SRPK2: variants seen among roughly 807,000 people sequenced by gnomAD.
SRPK2 encodes SRSF protein kinase 2, also known as SFRS protein kinase 2.
A neutral mutation model predicts 90.8 loss-of-function variants in SRPK2; 21 were observed. That is an observed-to-expected ratio of 0.23 (90% CI 0.16 to 0.33). The LOEUF is 0.33. Ranked by LOEUF, SRPK2 falls within the 10% of genes least tolerant of loss-of-function variation. The pLI is 1.00. For synonymous variants in SRPK2, 288 were observed against 311.1 expected (o/e 0.93, Z 0.78); for missense variants, 620 against 869.0 (o/e 0.71, Z 3.60).
At chr7:105,183,723 C>A (rs1420758354) in intron 3 of SRPK2, among the ~76,000 whole-genome samples, 3 of 152,098 alleles carry the variant, frequency 2.0e-5, no homozygotes, top group Admixed American at 1.3e-4. Flanking sequence ...TTCCTGACCT[C>A]AAATGATCTG....
intron 2 of SRPK2, among the ~76,000 whole-genome samples, chr7:105,305,606 T>C (rs925372670): frequency 6.6e-6 from 1 of 152,170 alleles, no homozygotes; most frequent in Non-Finnish European, 1.5e-5. Context: ...GGAGAGTCAG[T>C]GTTGAATTAC....
intron 2 of SRPK2, among the ~76,000 whole-genome samples, chr7:105,279,150 C>T (rs939467936): frequency 2.0e-5 from 3 of 151,124 alleles, no homozygotes; most frequent in African/African-American, 7.3e-5. Context: ...ACACAGTGCC[C>T]ACAGACTATG....
intron 2 of SRPK2, among the ~76,000 whole-genome samples, chr7:105,261,720 T>C (rs771888358): frequency 1.2e-4 from 18 of 152,202 alleles, no homozygotes; most frequent in African/African-American, 4.1e-4. Context: ...TGTTGACATT[T>C]TGTGATGAAA....
At chr7:105,255,477 G>A (rs186136345) in intron 2 of SRPK2, among the ~76,000 whole-genome samples, 184 of 152,268 alleles carry the variant, frequency 1.2e-3, no homozygotes, top group Middle Eastern at 3.4e-3. Flanking sequence ...AAGACAGATG[G>A]AAAAGAAGGA....
chr7:105,348,068 CTTTTTTTTTTTT>C (rs770159031), intron 2 of SRPK2, among the ~76,000 whole-genome samples: 1 of 80,998 alleles, frequency 1.2e-5, no homozygotes, highest in Non-Finnish European at 2.2e-5. Context: ...GCTTGGCAAA[CTTTTTTTTTTTT>C]TTTTTTTTTT....
At chr7:105,272,290 C>T (rs1039141125) in intron 2 of SRPK2, among the ~76,000 whole-genome samples, 4 of 152,204 alleles carry the variant, frequency 2.6e-5, no homozygotes, top group Non-Finnish European at 4.4e-5. Flanking sequence ...TGACAGTACA[C>T]TCAACAGCTC....
chr7:105,138,591 G>T (rs1165533916), intron 11 of SRPK2, among the ~76,000 whole-genome samples: 1 of 152,228 alleles, frequency 6.6e-6, no homozygotes, highest in African/African-American at 2.4e-5. Flanking sequence ...TCGAGCCCAT[G>T]AGTTCAGGAC....
At chr7:105,115,315 G>C (rs938103083), downstream of SRPK2, 1 of 152,184 alleles carries the variant, frequency 6.6e-6, no homozygotes, top group Non-Finnish European at 1.5e-5. Flanking sequence ...TATGGTCCAG[G>C]TATGGGAAGA....
intron 2 of SRPK2, among the ~76,000 whole-genome samples, chr7:105,329,680 T>G (rs1814045382): frequency 6.6e-6 from 1 of 151,600 alleles, no homozygotes; most frequent in Non-Finnish European, 1.5e-5. Flanking sequence ...TGACACCCAA[T>G]TCAGCATTTT....
intron 2 of SRPK2, chr7:105,332,662 G>A (rs1000053325): frequency 1.3e-5 from 2 of 152,178 alleles, no homozygotes; most frequent in Admixed American, 6.6e-5. Flanking sequence ...CTACTAGGAA[G>A]GCTGGGGCAG....
intron 2 of SRPK2, among the ~76,000 whole-genome samples, chr7:105,340,281 G>C (rs1815600459): frequency 6.6e-6 from 1 of 151,872 alleles, no homozygotes; most frequent in Admixed American, 6.6e-5. Flanking sequence ...AAAAAGCCAA[G>C]TGGGCAGTTG....
chr7:105,240,860 T>C (rs1409497585), intron 2 of SRPK2, among the ~76,000 whole-genome samples: 1 of 152,214 alleles, frequency 6.6e-6, no homozygotes, highest in Non-Finnish European at 1.5e-5. Context: ...GAAATACCTA[T>C]CTGCTAAATA....
chr7:105,159,607 AATACATACTGATTCC>A (rs1807253699), intron 7 of SRPK2, among the ~76,000 whole-genome samples: 2 of 152,122 alleles, frequency 1.3e-5, no homozygotes, highest in Admixed American at 1.3e-4. Flanking sequence ...CAATGAGTAG[AATACATACTGATTCC>A]ATGCAGAACA....
At chr7:105,364,404 C>CATTTTTTTTTT (rs1563290472) in intron 2 of SRPK2, among the ~76,000 whole-genome samples, 2 of 116,404 alleles carry the variant, frequency 1.7e-5, no homozygotes, top group East Asian at 1.4e-3. Context: ...CCGTGTGTAA[C>CATTTTTTTTTT]GTTTTTTTTT....
intron 3 of SRPK2, among the ~76,000 whole-genome samples, chr7:105,201,255 T>C (rs1477115672): frequency 2.6e-5 from 4 of 152,164 alleles, no homozygotes; most frequent in Non-Finnish European, 5.9e-5. Context: ...ATCTGTCACA[T>C]GTAATGCTAA....
chr7:105,323,092 G>A (rs942104285), intron 2 of SRPK2, among the ~76,000 whole-genome samples: 19 of 152,144 alleles, frequency 1.2e-4, no homozygotes, highest in Middle Eastern at 3.4e-3. Flanking sequence ...CCAGCTACTC[G>A]GGTGGCTGAG....
At chr7:105,265,715 G>A (rs1804970496) in intron 2 of SRPK2, among the ~76,000 whole-genome samples, 1 of 151,906 alleles carries the variant, frequency 6.6e-6, no homozygotes, top group Non-Finnish European at 1.5e-5. Flanking sequence ...CTATATTCAA[G>A]ATGAATTCAT....
intron 2 of SRPK2, among the ~76,000 whole-genome samples, chr7:105,206,846 G>GA (rs1796289509): frequency 6.6e-6 from 1 of 152,126 alleles, no homozygotes; most frequent in South Asian, 2.1e-4. Flanking sequence ...TAGAACTCTG[G>GA]ACCTTTCAGA....
chr7:105,311,206 AC>A, intron 2 of SRPK2, among the ~76,000 whole-genome samples: 1 of 152,124 alleles, frequency 6.6e-6, no homozygotes, highest in African/African-American at 2.4e-5. Flanking sequence ...AAAATAAATA[AC>A]CCAATTAAAT....
Sources: gnomAD v4.1 joint callset for allele counts (sites outside exome capture counted in the v4.1 genomes callset) on GRCh38, gnomAD v4.1.1 for gene constraint, MANE v1.5 for transcripts, NCBI Gene and HGNC (gene_info 2026-07-23, HGNC 2026-07-21) for gene names.